SLC35F3: variants seen among roughly 807,000 people sequenced by gnomAD.
The protein encoded by SLC35F3 is solute carrier family 35 member F3.
A neutral mutation model predicts 49.9 loss-of-function variants in SLC35F3; 25 were observed. The ratio of observed to expected loss-of-function variants is 0.50; its 90% CI spans 0.37 to 0.70. The LOEUF (loss-of-function observed/expected upper bound fraction) is 0.70, where lower values mean the gene tolerates loss of function less well. Among genes scored for constraint, SLC35F3 ranks in the 30% least tolerant of loss-of-function variants. The pLI is 0.00. For synonymous variants in SLC35F3, 275 were observed against 265.4 expected, an observed-to-expected ratio of 1.04 and a Z score of -0.35; for missense variants, 525 against 639.8, an observed-to-expected ratio of 0.82 and a Z score of 1.94.
intron 3 of SLC35F3, among the ~76,000 whole-genome samples, chr1:234,247,610 T>A (rs1667655678): frequency 6.7e-6 from 1 of 149,498 alleles, no homozygotes; most frequent in African/African-American, 2.5e-5. Flanking sequence ...ATGGCTGGTC[T>A]ATTGTTCAGT....
At position 234,250,176 on chromosome 1, in the gene SLC35F3, G is replaced by A. The variant is rs571902840; in HGVS notation, c.608+18435G>A. ...TTCAAAATAAAATAAGAGATAGATG[G>A]AACTGTGAGCTAAAAAGAGATACAA... On this transcript the variant is annotated intron_variant, in intron 3 of 7. Coordinates refer to ENST00000366618, the MANE Select transcript of SLC35F3 (RefSeq NM_173508.4). Among the ~76,000 whole-genome samples the A allele has an allele frequency of 3.3e-5, 5 of 152,182 alleles. No homozygotes were observed. The South Asian group carries it at 1.0e-3, about 32-fold the overall frequency.
intron 2 of SLC35F3, among the ~76,000 whole-genome samples, chr1:233,989,563 T>C (rs1663320733): frequency 1.3e-5 from 2 of 152,188 alleles, no homozygotes; most frequent in Admixed American, 1.3e-4. Context: ...GAAAATAACG[T>C]ATTTTTAAAA....
chr1:234,303,275 G>T (rs915719406), intron 3 of SLC35F3, among the ~76,000 whole-genome samples: 3 of 152,160 alleles, frequency 2.0e-5, no homozygotes, highest in Non-Finnish European at 4.4e-5. Context: ...TCCATGTAAT[G>T]ATTGCTATTT....
intron 2 of SLC35F3, among the ~76,000 whole-genome samples, chr1:233,946,004 G>A (rs1662508179): frequency 6.6e-6 from 1 of 152,204 alleles, no homozygotes; most frequent in African/African-American, 2.4e-5. Flanking sequence ...TAGACTTTCA[G>A]AACTTCTTAA....
At chr1:233,951,486 G>C (rs901745860) in intron 2 of SLC35F3, among the ~76,000 whole-genome samples, 1 of 151,574 alleles carries the variant, frequency 6.6e-6, no homozygotes, top group Non-Finnish European at 1.5e-5. Context: ...ATTTTTTTCT[G>C]TACCTTTTCT....
intron 2 of SLC35F3, among the ~76,000 whole-genome samples, chr1:234,036,274 C>T (rs1293769528): frequency 6.6e-6 from 1 of 152,118 alleles, no homozygotes; most frequent in East Asian, 1.9e-4. Flanking sequence ...TGATATTGCC[C>T]AGACTTGCCT....
intron 2 of SLC35F3, among the ~76,000 whole-genome samples, chr1:234,166,258 C>A (rs1301591473): frequency 6.6e-6 from 1 of 152,098 alleles, no homozygotes; most frequent in African/African-American, 2.4e-5. Flanking sequence ...CCCACACTGT[C>A]AACATCCCCC....
At chr1:233,936,669 C>G (rs1332105010) in intron 2 of SLC35F3, among the ~76,000 whole-genome samples, 1 of 151,892 alleles carries the variant, frequency 6.6e-6, no homozygotes, top group Non-Finnish European at 1.5e-5. Context: ...TCTTCCCCTT[C>G]TTCTTTTTCT....
At chr1:233,905,474 T>C in intron 1 of SLC35F3, 55 bp from the exon 2 acceptor site, 1 of 1,325,770 alleles carries the variant, frequency 7.5e-7, no homozygotes, top group South Asian at 1.3e-5. Context: ...AATCCCCTCC[T>C]CTCTGTCCAT....
At chr1:234,267,576 G>A (rs956746340) in intron 3 of SLC35F3, among the ~76,000 whole-genome samples, 10 of 150,770 alleles carry the variant, frequency 6.6e-5, no homozygotes, top group Non-Finnish European at 1.2e-4. Flanking sequence ...TCCCAGTAGG[G>A]GCGGCCGGGC....
intron 2 of SLC35F3, among the ~76,000 whole-genome samples, chr1:234,053,394 CTTCT>C (rs1458564464): frequency 6.6e-6 from 1 of 152,118 alleles, no homozygotes; most frequent in East Asian, 1.9e-4. Flanking sequence ...ATGTAATGGC[CTTCT>C]TTGTGTCTTT....
intron 2 of SLC35F3, among the ~76,000 whole-genome samples, chr1:233,991,526 T>C (rs138933099): frequency 4.4e-4 from 67 of 152,006 alleles, no homozygotes; most frequent in Non-Finnish European, 1.2e-4. Context: ...ACTTAGAGAG[T>C]GTTCAATTCC....
intron 2 of SLC35F3, among the ~76,000 whole-genome samples, chr1:233,981,411 G>A (rs1020509977): frequency 1.3e-5 from 2 of 152,120 alleles, no homozygotes; most frequent in South Asian, 2.1e-4. Context: ...GAATCATATC[G>A]TATAATCTCA....
chr1:234,238,907 A>G (rs935684729), intron 3 of SLC35F3, among the ~76,000 whole-genome samples: 6 of 152,258 alleles, frequency 3.9e-5, no homozygotes, highest in Admixed American at 6.5e-5. Context: ...TTATAACCTT[A>G]TAATTCCAGA....
rs1417914139 is a variant in SLC35F3 at position 234,231,330 on chromosome 1, T to G, written c.284-87T>G. On this transcript the variant is annotated intron_variant, in intron 2 of 7. Coordinates refer to ENST00000366618, the MANE Select transcript of SLC35F3 (RefSeq NM_173508.4). This position sits in a 1 kb window ranked among gnomAD's most constrained non-coding sequence, Gnocchi z 5.4. The stretch of plus-strand genomic sequence containing the variant: ...TCTCCCCGGGCCCCCAGGTAGCTGG[T>G]GGTGACAATGGCTGCAGGGCAGCGC... 2 of 1,154,074 alleles carry G rather than the reference T, an allele frequency of 1.7e-6. No individual in the cohort carries two copies. Among genetic ancestry groups the G allele is most frequent in the Non-Finnish European group, 2.4e-6 (2 of 844,444 alleles). The allele number at this position is 1,154,074 out of a possible 1,614,324, so 71.5% of individuals were successfully genotyped here.
intron 2 of SLC35F3, among the ~76,000 whole-genome samples, chr1:234,199,496 A>G (rs1666870318): frequency 6.6e-6 from 1 of 152,214 alleles, no homozygotes; most frequent in South Asian, 2.1e-4. Flanking sequence ...AAATCAACTC[A>G]AAGTAGATTA....
At chr1:234,186,632 A>T (rs991237433) in intron 2 of SLC35F3, among the ~76,000 whole-genome samples, 1 of 152,176 alleles carries the variant, frequency 6.6e-6, no homozygotes, top group Non-Finnish European at 1.5e-5. Context: ...TCAGGATCTC[A>T]GATAGTCTGT....
At chr1:234,312,381 C>A (rs1187112364) in intron 4 of SLC35F3, among the ~76,000 whole-genome samples, 1 of 152,190 alleles carries the variant, frequency 6.6e-6, no homozygotes, top group Non-Finnish European at 1.5e-5. Flanking sequence ...GGATCATGGA[C>A]CTTTTTCCAA....
At position 234,324,094 on chromosome 1, in the gene SLC35F3, C is replaced by A. The variant is rs1193759786; in HGVS notation, c.*851C>A. 6.6e-6 allele frequency: 1 copy of A among 152,184 alleles called. No individual in the cohort carries two copies. Among genetic ancestry groups the A allele is most frequent in the Non-Finnish European group, 1.5e-5 (1 of 68,046 alleles). The allele number at this position is 152,184 out of a possible 1,614,324, so 9.4% of individuals were successfully genotyped here. ...TGGCCAGTGTATACAGAGCGTGGCC[C>A]GCGGTGTACAATACCCATATAAGGT... On this transcript the variant is annotated 3_prime_UTR_variant, in exon 8 of 8. Transcript: ENST00000366618.
Sources: gnomAD v4.1 joint callset for allele counts (sites outside exome capture counted in the v4.1 genomes callset) on GRCh38, gnomAD v4.1.1 for gene constraint, Gnocchi (gnomAD v3.1) non-coding constraint, MANE v1.5 for transcripts, NCBI Gene and HGNC (gene_info 2026-07-23, HGNC 2026-07-21) for gene names.